Variants in PDZRN4 observed in about 807,000 individuals in gnomAD.
PDZRN4 encodes PDZ domain containing ring finger 4, also known as PDZ domain-containing RING finger protein 4.
A neutral mutation model predicts 99.0 loss-of-function variants in PDZRN4; 70 were observed. The observed-to-expected ratio is 0.71, with a 90% confidence interval of 0.58 to 0.86. PDZRN4 has a LOEUF of 0.86. Ranked by LOEUF, PDZRN4 falls within the 40% of genes least tolerant of loss-of-function variation. The pLI, the probability that PDZRN4 is intolerant of heterozygous loss-of-function variation, is 0.00. For missense variants in PDZRN4, 1,474 were observed against 1,331.2 expected (o/e 1.11, Z -1.67); for synonymous variants, 551 against 501.6 (o/e 1.10, Z -1.32).
In PDZRN4 at chr12:41,450,466, C is replaced by T. The variant is rs879515739; in HGVS notation, c.844-55990C>T. ...CTTTAAACTGTGACCAAAATGCTAA[C>T]CATATTTCCCATGTAAGACTAGAAT... is the stretch of plus-strand genomic sequence containing the variant. On this transcript the variant is annotated intron_variant, in intron 3 of 9. Transcript: ENST00000402685. Among the ~76,000 whole-genome samples the T allele has an allele frequency of 6.6e-5, 10 of 152,248 alleles. 1 individual carries two copies. Among genetic ancestry groups the T allele is most frequent in the Admixed American group, 2.6e-4 (4 of 15,278 alleles).
chr12:41,346,375 T>A (rs1014064973), intron 3 of PDZRN4, among the ~76,000 whole-genome samples: 2 of 152,042 alleles, frequency 1.3e-5, no homozygotes, highest in Non-Finnish European at 2.9e-5. Context: ...GGCAGGAGAA[T>A]GGTGTAAACC....
At chr12:41,193,286 T>C (rs1400514233) in intron 2 of PDZRN4, among the ~76,000 whole-genome samples, 1 of 152,326 alleles carries the variant, frequency 6.6e-6, no homozygotes, top group African/African-American at 2.4e-5. Context: ...TTAAAATTCA[T>C]GATAAGGACA....
At chr12:41,527,294 C>A (rs1202201036) in intron 5 of PDZRN4, among the ~76,000 whole-genome samples, 1 of 152,186 alleles carries the variant, frequency 6.6e-6, no homozygotes, top group East Asian at 1.9e-4. Context: ...TGAAGAAAGA[C>A]ATGACTGGAC....
rs146250836 is a variant in PDZRN4, at chr12:41,498,060, C to T, written c.844-8396C>T. Among the ~76,000 whole-genome samples the T allele has an allele frequency of 1.9e-3, 287 of 151,788 alleles. 2 individuals are homozygous for T. The highest frequency in any genetic ancestry group is 6.6e-3 in the African/African-American group (273 of 41,414). ...AAGTTCCAAGAATAGTATAAAAATTCTCAAATATAATTCACCTAGGCTCCC... is the reference window on the plus strand; with the variant it reads ...AAGTTCCAAGAATAGTATAAAAATTTTCAAATATAATTCACCTAGGCTCCC... On this transcript the variant is annotated intron_variant, in intron 3 of 9. Transcript: ENST00000402685.
intron 3 of PDZRN4, among the ~76,000 whole-genome samples, chr12:41,394,712 T>C (rs1185977551): frequency 6.6e-6 from 1 of 151,986 alleles, no homozygotes; most frequent in Non-Finnish European, 1.5e-5. Flanking sequence ...TTCCTTGCCA[T>C]GCATGCACCA....
intron 9 of PDZRN4, among the ~76,000 whole-genome samples, chr12:41,571,360 TCTCTCTCTCTCTCTCTCACACACACA>T (rs1267559577): frequency 3.1e-5 from 3 of 98,002 alleles, no homozygotes; most frequent in Admixed American, 1.3e-4. Flanking sequence ...TCTCTCTCTC[TCTCTCTCTCTCTCTCTCACACACACA>T]CACACACACA....
At chr12:41,332,161 T>C (rs929361890) in intron 3 of PDZRN4, among the ~76,000 whole-genome samples, 3 of 152,052 alleles carry the variant, frequency 2.0e-5, no homozygotes, top group Non-Finnish European at 4.4e-5. Flanking sequence ...TTTCTCCAGT[T>C]ACACTCAAGT....
At chr12:41,345,156 T>C (rs1391674526) in intron 3 of PDZRN4, among the ~76,000 whole-genome samples, 6 of 152,202 alleles carry the variant, frequency 3.9e-5, no homozygotes, top group Non-Finnish European at 8.8e-5. Context: ...TCCATTTGGG[T>C]TATTATCTCC....
At chr12:41,515,275 GTA>G (rs1938381175) in intron 5 of PDZRN4, among the ~76,000 whole-genome samples, 1 of 152,050 alleles carries the variant, frequency 6.6e-6, no homozygotes, top group Admixed American at 6.6e-5. Context: ...AGAAAATAGT[GTA>G]TAGAGTATAA....
intron 3 of PDZRN4, among the ~76,000 whole-genome samples, chr12:41,344,427 T>C (rs1951838316): frequency 6.6e-6 from 1 of 152,124 alleles, no homozygotes; most frequent in Non-Finnish European, 1.5e-5. Context: ...GATTTCCTAG[T>C]TGCTGATGAG....
chr12:41,491,762 T>G (rs529407037), intron 3 of PDZRN4, among the ~76,000 whole-genome samples: 1 of 152,176 alleles, frequency 6.6e-6, no homozygotes, highest in African/African-American at 2.4e-5. Context: ...TATTATAAAC[T>G]GATTAAGCAT....
At chr12:41,545,352 T>C (rs1938926924) in intron 5 of PDZRN4, among the ~76,000 whole-genome samples, 1 of 152,158 alleles carries the variant, frequency 6.6e-6, no homozygotes, top group South Asian at 2.1e-4. Context: ...GCATGGTCAA[T>C]GTTTCTCTGT....
intron 3 of PDZRN4, among the ~76,000 whole-genome samples, chr12:41,361,435 GC>G (rs1714114003): frequency 6.6e-6 from 1 of 151,972 alleles, no homozygotes; most frequent in Admixed American, 6.6e-5. Context: ...TATTGAGCTT[GC>G]TTGTTATGAG....
At chr12:41,276,159 A>G (rs1951348638) in intron 3 of PDZRN4, among the ~76,000 whole-genome samples, 1 of 152,190 alleles carries the variant, frequency 6.6e-6, no homozygotes. Context: ...GAAAGCTTAC[A>G]TATTACAATG....
intron 3 of PDZRN4, among the ~76,000 whole-genome samples, chr12:41,266,525 C>A (rs1951278323): frequency 6.6e-6 from 1 of 152,118 alleles, no homozygotes; most frequent in Non-Finnish European, 1.5e-5. Flanking sequence ...AGCTAGATCC[C>A]AGGCTACTCT....
chr12:41,387,428 CA>C (rs1416765374), intron 3 of PDZRN4, among the ~76,000 whole-genome samples: 4 of 152,044 alleles, frequency 2.6e-5, no homozygotes, highest in Admixed American at 2.0e-4. Flanking sequence ...TACTAACATA[CA>C]AAAAAATTAG....
intron 3 of PDZRN4, among the ~76,000 whole-genome samples, chr12:41,309,722 T>C (rs1951594316): frequency 6.6e-6 from 1 of 151,922 alleles, no homozygotes; most frequent in African/African-American, 2.4e-5. Flanking sequence ...AACGATCCAA[T>C]AGAAAATGAG....
intron 3 of PDZRN4, among the ~76,000 whole-genome samples, chr12:41,421,407 G>A (rs1472692112): frequency 6.6e-6 from 1 of 152,042 alleles, no homozygotes; most frequent in Non-Finnish European, 1.5e-5. Flanking sequence ...TGGACAGGCT[G>A]GTCTCAAACT....
chr12:41,257,380 G>A (rs543796847), intron 3 of PDZRN4, among the ~76,000 whole-genome samples: 14 of 152,120 alleles, frequency 9.2e-5, no homozygotes, highest in Non-Finnish European at 1.5e-4. Context: ...CTGTTCATGC[G>A]GGTGCTTGCC....
Sources: gnomAD v4.1 joint callset for allele counts (sites outside exome capture counted in the v4.1 genomes callset) on GRCh38, gnomAD v4.1.1 for gene constraint, MANE v1.5 for transcripts, NCBI Gene and HGNC (gene_info 2026-07-23, HGNC 2026-07-21) for gene names.